The following LRRTM4 variants were observed in gnomAD, a reference collection of about 807,000 sequenced individuals.
LRRTM4 encodes the protein leucine rich repeat transmembrane neuronal 4.
Under a neutral mutation model 47.6 loss-of-function variants are expected in LRRTM4, and 25 were observed. The observed-to-expected ratio is 0.53, with a 90% confidence interval of 0.38 to 0.73. The LOEUF is 0.73. Among genes scored for constraint, LRRTM4 ranks in the 30% least tolerant of loss-of-function variants. The probability of loss-of-function intolerance (pLI) is 0.00; values close to 1 mark genes in which losing one functional copy is unlikely to be tolerated. For synonymous variants in LRRTM4, 311 were observed against 269.5 expected, an observed-to-expected ratio of 1.15 and a Z score of -1.51; for missense variants, 638 against 713.4, an observed-to-expected ratio of 0.89 and a Z score of 1.20.
intron 3 of LRRTM4, among the ~76,000 whole-genome samples, chr2:77,375,277 A>AT (rs1235804329): frequency 1.3e-5 from 2 of 151,824 alleles, no homozygotes; most frequent in Non-Finnish European, 2.9e-5. Flanking sequence ...TTTTATAAGT[A>AT]TTTTTGATAT....
chr2:77,341,411 T>A (rs560199153), intron 3 of LRRTM4, among the ~76,000 whole-genome samples: 1 of 151,988 alleles, frequency 6.6e-6, no homozygotes, highest in Non-Finnish European at 1.5e-5. Context: ...TCTGCTTAGT[T>A]TGACTCTGCT....
At chr2:76,766,468 C>T (rs1387568427) in intron 3 of LRRTM4, among the ~76,000 whole-genome samples, 14 of 152,126 alleles carry the variant, frequency 9.2e-5, no homozygotes, top group Admixed American at 9.2e-4. Flanking sequence ...TAATCCATGT[C>T]TTTGGATTGC....
intron 3 of LRRTM4, among the ~76,000 whole-genome samples, chr2:77,219,781 C>T (rs918716905): frequency 6.6e-6 from 1 of 152,112 alleles, no homozygotes; most frequent in Admixed American, 6.6e-5. Context: ...CCTCTGGGGG[C>T]AGGGCATAGA....
intron 3 of LRRTM4, among the ~76,000 whole-genome samples, chr2:77,098,753 A>G (rs1670875113): frequency 6.6e-6 from 1 of 152,024 alleles, no homozygotes; most frequent in African/African-American, 2.4e-5. Flanking sequence ...CTCACAAAAG[A>G]TTAGTTTCCA....
chr2:77,260,148 G>T (rs1675879482), intron 3 of LRRTM4, among the ~76,000 whole-genome samples: 2 of 151,960 alleles, frequency 1.3e-5, no homozygotes, highest in Non-Finnish European at 2.9e-5. Flanking sequence ...TTTAAGAGAG[G>T]TTATATTTCT....
intron 3 of LRRTM4, among the ~76,000 whole-genome samples, chr2:77,088,709 C>G (rs894025500): frequency 6.6e-6 from 1 of 152,154 alleles, no homozygotes; most frequent in Non-Finnish European, 1.5e-5. Context: ...GGGGACTTCC[C>G]CTAGGAGATC....
intron 3 of LRRTM4, among the ~76,000 whole-genome samples, chr2:77,028,605 G>C (rs1251603412): frequency 6.6e-6 from 1 of 151,960 alleles, no homozygotes; most frequent in African/African-American, 2.4e-5. Flanking sequence ...ATTCTGAAAA[G>C]AAGGAAAAAT....
chr2:77,091,614 G>A (rs201149943), intron 3 of LRRTM4, among the ~76,000 whole-genome samples: 45,687 of 111,720 alleles, frequency 0.41, 6,605 homozygotes, highest in African/African-American at 0.58. Flanking sequence ...ATTCTGTTCT[G>A]GATCTCAAAC....
chr2:76,973,478 C>T (rs2860931), intron 3 of LRRTM4, among the ~76,000 whole-genome samples: 38,190 of 151,766 alleles, frequency 0.25, 6,237 homozygotes, highest in African/African-American at 0.46. Flanking sequence ...TGAAGGTAGA[C>T]ATGCTATTAA....
chr2:77,361,854 G>T (rs949995421), intron 3 of LRRTM4, among the ~76,000 whole-genome samples: 2 of 151,990 alleles, frequency 1.3e-5, no homozygotes, highest in Non-Finnish European at 2.9e-5. Context: ...GATTCAGAAA[G>T]AATTCTTTCA....
chr2:77,468,630 G>T lies in LRRTM4; in HGVS notation c.1551+49688C>A, dbSNP rs534883804. 5.3e-5 allele frequency among the ~76,000 whole-genome samples: 8 copies of T among 152,278 alleles called. No homozygotes were observed. The South Asian group carries it at 1.7e-3, about 32-fold the overall frequency. On this transcript the variant is annotated intron_variant, in intron 3 of 3. Transcript: ENST00000409884. ...GGTGAATGCCAGCACAGGCCTTGGTGCAGAGTGCTCTGGGGCCATGCTAGT... is the reference window on the plus strand; with the variant it reads ...GGTGAATGCCAGCACAGGCCTTGGTTCAGAGTGCTCTGGGGCCATGCTAGT...
intron 3 of LRRTM4, among the ~76,000 whole-genome samples, chr2:76,901,497 T>C (rs890476672): frequency 1.3e-5 from 2 of 152,272 alleles, no homozygotes; most frequent in Admixed American, 6.6e-5. Flanking sequence ...GGGAGAGCAG[T>C]GTTAAGTCTA....
intron 3 of LRRTM4, among the ~76,000 whole-genome samples, chr2:76,869,191 C>G (rs188108228): frequency 6.6e-6 from 1 of 151,966 alleles, no homozygotes; most frequent in African/African-American, 2.4e-5. Flanking sequence ...TGCCTTTAGT[C>G]CCAGCTACTT....
At chr2:77,211,244 G>A (rs745482576) in intron 3 of LRRTM4, among the ~76,000 whole-genome samples, 8 of 152,172 alleles carry the variant, frequency 5.3e-5, no homozygotes, top group Non-Finnish European at 7.4e-5. Context: ...TAGTGCTAAG[G>A]CCATCCTGGA....
chr2:77,470,439 TAA>T (rs994136273), intron 3 of LRRTM4, among the ~76,000 whole-genome samples: 5 of 152,074 alleles, frequency 3.3e-5, no homozygotes, highest in Non-Finnish European at 5.9e-5. Context: ...AAGGAAGATA[TAA>T]GAGTGTATTT....
chr2:77,202,870 T>C (rs1674015075), intron 3 of LRRTM4, among the ~76,000 whole-genome samples: 1 of 152,096 alleles, frequency 6.6e-6, no homozygotes, highest in Non-Finnish European at 1.5e-5. Flanking sequence ...TTTCATCTTC[T>C]AAGGAAAAGT....
chr2:77,103,615 A>T (rs1671013917), intron 3 of LRRTM4, among the ~76,000 whole-genome samples: 1 of 149,732 alleles, frequency 6.7e-6, no homozygotes, highest in Admixed American at 6.7e-5. Context: ...GGCATTTTCA[A>T]TGTAATTCAG....
Position 77,522,065 on chromosome 2 carries a change from C to G in LRRTM4, c.-148+44G>C, listed in dbSNP as rs752109078. On this transcript the variant is annotated intron_variant, in intron 1 of 3. Coordinates refer to ENST00000409884, the MANE Select transcript of LRRTM4 (RefSeq NM_001134745.3). ...TACAGCCCATCTCGGAGGTAACCAA[C>G]TTCTCTGTAAAAAGAGAGGAAAAAA... The G allele has an allele frequency of 7.0e-6, 5 of 714,922 alleles. No homozygotes were observed. In the South Asian group the frequency reaches 7.4e-5, roughly 11 times the overall value. 44.3% of individuals were successfully genotyped at this position (714,922 alleles called of 1,614,324 possible).
At chr2:77,393,653 A>G (rs1226034983) in intron 3 of LRRTM4, among the ~76,000 whole-genome samples, 2 of 152,004 alleles carry the variant, frequency 1.3e-5, no homozygotes, top group Non-Finnish European at 2.9e-5. Flanking sequence ...TGGAACAATC[A>G]CTTTACTACA....
Sources: allele counts gnomAD v4.1 joint callset (sites outside exome capture counted in the v4.1 genomes callset), GRCh38; gene constraint gnomAD v4.1.1; transcripts MANE v1.5; gene names NCBI Gene and HGNC (gene_info 2026-07-23, HGNC 2026-07-21).